IL1RAPL2: variants seen among roughly 807,000 people sequenced by gnomAD.
The protein encoded by IL1RAPL2 is interleukin 1 receptor accessory protein like 2, also known as X-linked interleukin-1 receptor accessory protein-like 2.
A neutral mutation model predicts 44.1 loss-of-function variants in IL1RAPL2; 3 were observed. The observed-to-expected ratio is 0.07, with a 90% CI of 0.03 to 0.18. The LOEUF (loss-of-function observed/expected upper bound fraction) is 0.18, where lower values mean the gene tolerates loss of function less well. Among genes scored for constraint, IL1RAPL2 ranks in the 10% least tolerant of loss-of-function variants. IL1RAPL2 has a pLI of 1.00. For synonymous variants in IL1RAPL2, 181 were observed against 178.8 expected, an observed-to-expected ratio of 1.01 and a Z score of -0.10; for missense variants, 391 against 496.4, an observed-to-expected ratio of 0.79 and a Z score of 2.02.
chrX:105,674,522 CTG>C (rs1490788684), intron 6 of IL1RAPL2, among the ~76,000 whole-genome samples: 1 of 111,545 alleles, frequency 9.0e-6, no homozygotes, highest in Non-Finnish European at 1.9e-5. Context: ...TTCCATTGGT[CTG>C]TGTGTGTTTT....
At chrX:105,435,869 A>G (rs1362170983) in intron 5 of IL1RAPL2, among the ~76,000 whole-genome samples, 2 of 110,842 alleles carry the variant, frequency 1.8e-5, no homozygotes, top group Non-Finnish European at 3.8e-5. Context: ...AGGGAGGGGA[A>G]CAACACATAC....
intron 1 of IL1RAPL2, among the ~76,000 whole-genome samples, chrX:104,592,288 C>T (rs1391872554): frequency 9.2e-6 from 1 of 108,279 alleles, no homozygotes; most frequent in South Asian, 4.1e-4. Context: ...AGTAGATACA[C>T]ACAAACACGC....
chrX:105,728,765 A>G (rs1440692151), intron 7 of IL1RAPL2, among the ~76,000 whole-genome samples: 1 of 111,167 alleles, frequency 9.0e-6, no homozygotes, highest in East Asian at 2.8e-4. Flanking sequence ...TCTTTGTGTT[A>G]TACAGTTCTA....
At chrX:105,635,529 G>A (rs1170132923) in intron 6 of IL1RAPL2, among the ~76,000 whole-genome samples, 3 of 111,625 alleles carry the variant, frequency 2.7e-5, no homozygotes, top group Non-Finnish European at 5.7e-5. Context: ...ATTTATAGTA[G>A]ATTAGCTTGC....
chrX:104,970,934 G>T (rs746940730), intron 2 of IL1RAPL2, among the ~76,000 whole-genome samples: 23 of 112,346 alleles, frequency 2.0e-4, no homozygotes, highest in Admixed American at 6.6e-4. Flanking sequence ...GATGGGATGG[G>T]TTGGAAGTCT....
intron 5 of IL1RAPL2, among the ~76,000 whole-genome samples, chrX:105,276,687 C>T (rs1452346511): frequency 8.9e-6 from 1 of 112,136 alleles, no homozygotes; most frequent in East Asian, 2.8e-4. Context: ...AGCCTGTATG[C>T]TAAATTCAAC....
intron 3 of IL1RAPL2, among the ~76,000 whole-genome samples, chrX:105,202,163 A>G (rs1556146959): frequency 1.8e-5 from 2 of 112,290 alleles, no homozygotes; most frequent in South Asian, 3.7e-4. Context: ...TGTAATTTCA[A>G]CTTCATTCAG....
intron 5 of IL1RAPL2, among the ~76,000 whole-genome samples, chrX:105,469,247 T>C (rs1399103765): frequency 9.0e-6 from 1 of 111,171 alleles, no homozygotes; most frequent in Admixed American, 9.6e-5. Flanking sequence ...TTGGAAAACA[T>C]GTCACCTGAA....
intron 9 of IL1RAPL2, among the ~76,000 whole-genome samples, chrX:105,753,715 C>T: frequency 8.9e-6 from 1 of 112,144 alleles, no homozygotes; most frequent in Middle Eastern, 4.7e-3. Context: ...CCTTCATGTA[C>T]ATCTGCTTCC....
intron 5 of IL1RAPL2, among the ~76,000 whole-genome samples, chrX:105,335,967 A>G (rs761675694): frequency 1.8e-5 from 2 of 112,276 alleles, no homozygotes; most frequent in South Asian, 7.4e-4. Context: ...TTGCCAATAA[A>G]AATTCATACC....
At chrX:104,723,659 G>A (rs1447869897) in intron 2 of IL1RAPL2, among the ~76,000 whole-genome samples, 1 of 110,431 alleles carries the variant, frequency 9.1e-6, no homozygotes, top group Non-Finnish European at 1.9e-5. Flanking sequence ...AAATGACAAG[G>A]AATTTGGCTC....
intron 2 of IL1RAPL2, among the ~76,000 whole-genome samples, chrX:104,724,681 G>A (rs2147566408): frequency 9.0e-6 from 1 of 111,401 alleles, no homozygotes; most frequent in East Asian, 2.8e-4. Context: ...CTATAAAGGA[G>A]CAGCAAATAG....
At chrX:104,946,719 T>A (rs1275466673) in intron 2 of IL1RAPL2, among the ~76,000 whole-genome samples, 1 of 101,521 alleles carries the variant, frequency 9.9e-6, no homozygotes, top group African/African-American at 3.6e-5. Context: ...TCCAATTTCA[T>A]CCATGTCCCT....
Position 105,351,091 on chromosome X carries a change from T to A in IL1RAPL2, c.697+83550T>A, listed in dbSNP as rs1293614913. Among the ~76,000 whole-genome samples the A allele has an allele frequency of 3.6e-5, 4 of 111,692 alleles. No homozygotes were observed. In the East Asian group the frequency reaches 8.5e-4, roughly 24 times the overall value. ...AAATGAGATACCATCCCACGCCAGT[T>A]AGAATGGTCATCATTAAAAAGTCAG... On this transcript the variant is annotated intron_variant, in intron 5 of 10. Coordinates refer to ENST00000372582, the MANE Select transcript of IL1RAPL2 (RefSeq NM_017416.2).
chrX:105,177,188 C>T (rs1249780972), intron 2 of IL1RAPL2, among the ~76,000 whole-genome samples: 1 of 110,350 alleles, frequency 9.1e-6, no homozygotes, highest in East Asian at 2.9e-4. Flanking sequence ...AGCTCTGCCT[C>T]CTGTCAGATC....
intron 1 of IL1RAPL2, among the ~76,000 whole-genome samples, chrX:104,652,259 A>G (rs1569289982): frequency 8.9e-6 from 1 of 111,823 alleles, no homozygotes; most frequent in South Asian, 3.8e-4. Flanking sequence ...GAATGGGTCA[A>G]AGAAGACATG....
chrX:105,749,677 C>T (rs755926647), intron 9 of IL1RAPL2, among the ~76,000 whole-genome samples: 2 of 112,054 alleles, frequency 1.8e-5, no homozygotes, highest in Non-Finnish European at 3.8e-5. Context: ...CAGAGTGTAG[C>T]TCATAATTTT....
At chrX:104,615,108 C>A (rs777812580) in intron 1 of IL1RAPL2, among the ~76,000 whole-genome samples, 1 of 111,516 alleles carries the variant, frequency 9.0e-6, no homozygotes. Context: ...GTGTCTTTGT[C>A]GTAGTAGGTA....
chrX:105,048,674 A>C (rs1286464304), intron 2 of IL1RAPL2, among the ~76,000 whole-genome samples: 1 of 111,990 alleles, frequency 8.9e-6, no homozygotes, highest in Non-Finnish European at 1.9e-5. Flanking sequence ...GACAGTGTAC[A>C]TTTAGAGGAA....
Sources: gnomAD v4.1 joint callset for allele counts (sites outside exome capture counted in the v4.1 genomes callset) on GRCh38, gnomAD v4.1.1 for gene constraint, MANE v1.5 for transcripts, NCBI Gene and HGNC (gene_info 2026-07-23, HGNC 2026-07-21) for gene names.